The following ZNF850 variants were observed in gnomAD, a reference collection of about 807,000 sequenced individuals.
The protein encoded by ZNF850 is putative zinc finger protein ENSP00000330994.
Under a neutral mutation model 11.9 loss-of-function variants are expected in ZNF850, and 2 were observed. That is an observed-to-expected ratio of 0.17 (90% CI 0.07 to 0.53). ZNF850 has a LOEUF of 0.53. ZNF850 is among the 20% of genes least tolerant of loss of function. The pLI is 0.94. For synonymous variants in ZNF850, 381 were observed against 443.0 expected, an observed-to-expected ratio of 0.86 and a Z score of 1.76; for missense variants, 1,014 against 1,316.4, an observed-to-expected ratio of 0.77 and a Z score of 3.55.
intron 1 of ZNF850, among the ~76,000 whole-genome samples, chr19:36,764,782 C>T (rs970404337): frequency 6.2e-5 from 9 of 144,726 alleles, no homozygotes; most frequent in Non-Finnish European, 1.3e-4. Flanking sequence ...GCTGAAGTGC[C>T]TGATCTCAGC....
rs774887713 is a variant in ZNF850 at position 36,748,039 on chromosome 19, G to A, written c.3001C>T (p.Arg1001Ter). The A allele has an allele frequency of 9.5e-6, 15 of 1,584,758 alleles. No homozygotes were observed. The highest frequency in any genetic ancestry group is 1.8e-5 in the Admixed American group (1 of 55,650). Residue 1001 changes from arginine to a stop codon, truncating the protein, a stop_gained, in exon 5 of 5, where the codon CGA becomes TGA. Transcript: ENST00000591344. LOFTEE classifies it low-confidence loss of function (END_TRUNC). ...TCGSELIRHQ[R>*]THTGEKPYDC... ...TAAGGTTTCTCACCAGTGTGAGTTC[G>A]CTGATGTCGAATTAGTTCTGAGCCG...
At chr19:36,751,884 G>A (rs1416961255) in intron 4 of ZNF850, among the ~76,000 whole-genome samples, 2 of 151,902 alleles carry the variant, frequency 1.3e-5, no homozygotes, top group East Asian at 1.9e-4. Flanking sequence ...AATATAAAAT[G>A]TTAATGGGAA....
rs184832517 is a variant in ZNF850, at chr19:36,760,990, A to T, written c.235+653T>A. Among the ~76,000 whole-genome samples the T allele has an allele frequency of 6.6e-3, 1,011 of 152,310 alleles. 10 individuals are homozygous for T. The highest frequency in any genetic ancestry group is 0.027 in the South Asian group (131 of 4,834). ...AAAATAAATATATTTTGAAAAAAAAATTTTTTAAAGCAAGAACACAGGTTT... is the reference window on the plus strand; with the variant it reads ...AAAATAAATATATTTTGAAAAAAAATTTTTTTAAAGCAAGAACACAGGTTT... On this transcript the variant is annotated intron_variant, in intron 4 of 4. Transcript: ENST00000591344.
In ZNF850 at chr19:36,748,578, G is replaced by C. The variant is rs761920655; in HGVS notation, c.2462C>G (p.Ser821Cys). The C allele has an allele frequency of 6.5e-7, 1 of 1,537,036 alleles. No individual in the cohort carries two copies. The highest frequency in any genetic ancestry group is 8.7e-7 in the Non-Finnish European group (1 of 1,146,946). The change falls in exon 5 of 5, where the codon TCT becomes TGT. Residue 821 changes from serine (S) to cysteine (C), a missense_variant. Ser to Cys is a moderately radical substitution (Grantham distance 112, BLOSUM62 -1). Coordinates refer to ENST00000591344, the MANE Select transcript of ZNF850 (RefSeq NM_001193552.2). The part of the protein sequence containing the change: ...KPYHCKECGK[S>C]FTLRSALIQH... ...AATTAGTGCTGAGCGAAGAGTAAAA[G>C]ATTTCCCACATTCCTTGCAATGATA...
In ZNF850 at chr19:36,750,694, T is replaced by C; in HGVS notation, c.346A>G (p.Ser116Gly). The change falls in exon 5 of 5, where the codon AGT becomes GGT. Residue 116 changes from serine to glycine, a missense_variant. Around this residue, in one of 2 missense-constraint regions of ZNF850, gnomAD observed 835 missense variants for 1,022.0 expected, o/e 0.82. Transcript: ENST00000591344. ...TTGCATTCCCAGTCATCTCTGACAC[T>C]GGAGCCCACAAGGCTATGACATTTT... is the stretch of plus-strand genomic sequence containing the variant. ...MEKCHSLVGS[S>G]VRDDWECKGQ... 3 of 1,536,242 alleles carry C rather than the reference T, an allele frequency of 2.0e-6. No individual in the cohort carries two copies. The South Asian group carries it at 3.6e-5, about 18-fold the overall frequency.
intron 4 of ZNF850, among the ~76,000 whole-genome samples, chr19:36,758,449 C>T (rs2040499895): frequency 6.6e-6 from 1 of 150,922 alleles, no homozygotes; most frequent in Non-Finnish European, 1.5e-5. Context: ...GGTGTGATCT[C>T]GGCTCATTGC....
At position 36,745,217 on chromosome 19, in the gene ZNF850, C is replaced by T. The variant is rs1475972036; in HGVS notation, c.*2550G>A. The T allele has an allele frequency of 6.6e-6, 1 of 151,762 alleles. No homozygotes were observed. Among genetic ancestry groups the T allele is most frequent in the East Asian group, 1.9e-4 (1 of 5,180 alleles). The allele number at this position is 151,762 out of a possible 1,614,324, so 9.4% of individuals were successfully genotyped here. A position where few individuals can be genotyped will look rare whatever the true frequency, so the allele number is the denominator to read the frequency against. ...TGTGTGTATATAAATCATCCATAAG[C>T]ATATTAGTAAAAGTACAAATCAACA... is the stretch of plus-strand genomic sequence containing the variant. On this transcript the variant is annotated 3_prime_UTR_variant, in exon 5 of 5. Transcript: ENST00000591344.
At chr19:36,754,506 G>T (rs2145959619) in intron 4 of ZNF850, among the ~76,000 whole-genome samples, 1 of 152,222 alleles carries the variant, frequency 6.6e-6, no homozygotes, top group African/African-American at 2.4e-5. Context: ...AGTAAAAATT[G>T]AGAAAATACA....
At position 36,747,685 on chromosome 19, in the gene ZNF850, T is replaced by A; in HGVS notation, c.*82A>T. ...TCTGGAAAAAGTGAATATGAAGTAA[T>A]ACACATCCATTGTATTTGACCCACA... On this transcript the variant is annotated 3_prime_UTR_variant, in exon 5 of 5. Coordinates refer to ENST00000591344, the MANE Select transcript of ZNF850 (RefSeq NM_001193552.2). The A allele has an allele frequency of 3.3e-6, 4 of 1,221,162 alleles. No individual in the cohort carries two copies. The highest frequency in any genetic ancestry group is 4.4e-6 in the Non-Finnish European group (4 of 911,408). 75.6% of individuals were successfully genotyped at this position (1,221,162 alleles called of 1,614,324 possible).
chr19:36,750,939 G>A lies in ZNF850; in HGVS notation c.236-135C>T, dbSNP rs2040450012. 11 of 968,054 alleles carry A rather than the reference G, an allele frequency of 1.1e-5. No homozygotes were observed. In the South Asian group the frequency reaches 1.8e-4, roughly 16 times the overall value. 60.0% of individuals were successfully genotyped at this position (968,054 alleles called of 1,614,324 possible). A position where few individuals can be genotyped will look rare whatever the true frequency, so the allele number is the denominator to read the frequency against. On this transcript the variant is annotated intron_variant, in intron 4 of 4. Coordinates refer to ENST00000591344, the MANE Select transcript of ZNF850 (RefSeq NM_001193552.2). ...AGATGTGTTGGGCGTGGTGGCTCATGCCTGTAATCCCAGCGCTTTGGGAGT... is the reference window on the plus strand; with the variant it reads ...AGATGTGTTGGGCGTGGTGGCTCATACCTGTAATCCCAGCGCTTTGGGAGT...
Position 36,748,953 on chromosome 19 carries a change from G to C in ZNF850, c.2087C>G (p.Thr696Ser), listed in dbSNP as rs1305489710. The change falls in exon 5 of 5, where the codon ACT becomes AGT. Residue 696 changes from threonine (T) to serine (S), a missense_variant. Physicochemically the swap from Thr to Ser is moderately conservative, Grantham distance 58. Coordinates refer to ENST00000591344, the MANE Select transcript of ZNF850 (RefSeq NM_001193552.2). ...TYLNQHRRIHTGEKPYECKEC... is the reference protein window; with the variant it reads ...TYLNQHRRIHSGEKPYECKEC... ...TTTACATTCATAAGGTTTCTCACCA[G>C]TATGAATTCTCCGATGTTGATTAAG... is the stretch of plus-strand genomic sequence containing the variant. The C allele has an allele frequency of 6.3e-7, 1 of 1,590,118 alleles. No individual in the cohort carries two copies.
intron 4 of ZNF850, among the ~76,000 whole-genome samples, chr19:36,757,503 C>CT (rs57226971): frequency 0.022 from 2,120 of 97,362 alleles, 72 homozygotes; most frequent in African/African-American, 0.072. Flanking sequence ...AATATAGTTT[C>CT]TTTTTTTTTT....
At chr19:36,753,443 A>AAAAAAAAAAAAAC (rs2040466477) in intron 4 of ZNF850, among the ~76,000 whole-genome samples, 1 of 145,240 alleles carries the variant, frequency 6.9e-6, no homozygotes, top group African/African-American at 2.7e-5. Context: ...AAAAAAAAAA[A>AAAAAAAAAAAAAC]AAAGCCGGGT....
At chr19:36,761,574 G>A (rs1396287813) in intron 4 of ZNF850, 69 bp downstream of exon 4, 18 of 848,194 alleles carry the variant, frequency 2.1e-5, no homozygotes, top group South Asian at 1.6e-4. Flanking sequence ...ATACCTGTAC[G>A]GTGCTGCCTC....
intron 4 of ZNF850, among the ~76,000 whole-genome samples, chr19:36,761,417 C>T (rs754798099): frequency 1.2e-4 from 18 of 151,724 alleles, no homozygotes; most frequent in Non-Finnish European, 1.0e-4. Context: ...CCAGCCTGGG[C>T]GACAGAGCGA....
At chr19:36,752,371 A>G (rs1474853749) in intron 4 of ZNF850, among the ~76,000 whole-genome samples, 1 of 152,240 alleles carries the variant, frequency 6.6e-6, no homozygotes, top group Non-Finnish European at 1.5e-5. Flanking sequence ...TCCTAGGGTC[A>G]TGTCAAAAAG....
At position 36,748,544 on chromosome 19, in the gene ZNF850, C is replaced by A; in HGVS notation, c.2496G>T (p.Arg832=). ...FTLRSALIQH[R]PVHTGEKRYS... is the part of the protein sequence containing the mutation. ...AGCGTTTCTCACCAGTGTGAACTGG[C>A]CGATGTTGAATTAGTGCTGAGCGAA... Residue 832 remains arginine, a synonymous_variant, in exon 5 of 5, where the codon CGG becomes CGT. Coordinates refer to ENST00000591344, the MANE Select transcript of ZNF850 (RefSeq NM_001193552.2). The A allele has an allele frequency of 6.5e-7, 1 of 1,537,120 alleles. No individual in the cohort carries two copies. The highest frequency in any genetic ancestry group is 8.7e-7 in the Non-Finnish European group (1 of 1,146,948).
chr19:36,771,331 C>G (rs1428868128), intron 1 of ZNF850, among the ~76,000 whole-genome samples: 1 of 152,122 alleles, frequency 6.6e-6, no homozygotes, highest in African/African-American at 2.4e-5. Context: ...CCAGCTTGGC[C>G]CTGGGACCTT....
intron 1 of ZNF850, 149 bp from the exon 2 acceptor site, chr19:36,762,824 A>T: frequency 1.7e-6 from 1 of 579,872 alleles, no homozygotes; most frequent in South Asian, 2.2e-5. Context: ...ACAAAAGCTT[A>T]ATAAACAGGC....
Sources: gnomAD v4.1 joint callset for allele counts (sites outside exome capture counted in the v4.1 genomes callset) on GRCh38, gnomAD v4.1.1 for gene constraint, gnomAD v4.1.1 regional missense constraint, MANE v1.5 for transcripts, NCBI Gene and HGNC (gene_info 2026-07-23, HGNC 2026-07-21) for gene names.